Variants in GTF2H4 observed in about 807,000 individuals in gnomAD.
The protein encoded by GTF2H4 is general transcription factor IIH subunit 4.
A neutral mutation model predicts 62.2 loss-of-function variants in GTF2H4; 49 were observed. The ratio of observed to expected loss-of-function variants is 0.79; its 90% CI spans 0.63 to 1.00. The LOEUF (loss-of-function observed/expected upper bound fraction) is 1.00, where lower values mean the gene tolerates loss of function less well. GTF2H4 is among the 50% of genes least tolerant of loss of function. The pLI is 0.00. For missense variants in GTF2H4, 479 were observed against 587.8 expected, an observed-to-expected ratio of 0.81 and a Z score of 1.91; for synonymous variants, 189 against 233.8, an observed-to-expected ratio of 0.81 and a Z score of 1.75.
rs753617665 is a variant in GTF2H4, at chr6:30,911,225, G to A, written c.628G>A (p.Ala210Thr). 76 of 1,613,540 alleles carry A rather than the reference G, an allele frequency of 4.7e-5. No homozygotes were observed. Among genetic ancestry groups the A allele is most frequent in the African/African-American group, 2.7e-5 (2 of 74,904 alleles). Residue 210 changes from alanine (A) to threonine (T), a missense_variant, in exon 7 of 14, where the codon GCT becomes ACT. Transcript: ENST00000259895. The surrounding 1 kb of genome is among the most constrained non-coding windows in gnomAD (Gnocchi z 4.3). Reference sequence around the variant, plus strand: ...CCAGTTCCTGTTGCTGGACACCCCGGCTCAGCTCTGGTACTTTATGTTGCA... The same window carrying A: ...CCAGTTCCTGTTGCTGGACACCCCGACTCAGCTCTGGTACTTTATGTTGCA... ...GFQFLLLDTP[A>T]QLWYFMLQYL... is the part of the protein sequence containing the mutation.
In GTF2H4 at chr6:30,911,466, C is replaced by T; in HGVS notation, c.708C>T (p.Phe236=). The change falls in exon 8 of 14, where the codon TTC becomes TTT. Residue 236 remains phenylalanine, a synonymous_variant. Transcript: ENST00000259895. This position sits in a 1 kb window ranked among gnomAD's most constrained non-coding sequence, Gnocchi z 4.3. The part of the protein sequence containing the change: ...RGMDLVEILS[F]LFQLSFSTLG... Reference sequence around the variant, plus strand: ...TGGACCTGGTAGAGATTCTCTCCTTCCTCTTCCAGCTCAGCTTCTCTACTC... The same window carrying T: ...TGGACCTGGTAGAGATTCTCTCCTTTCTCTTCCAGCTCAGCTTCTCTACTC... The T allele has an allele frequency of 6.2e-7, 1 of 1,614,106 alleles. No individual in the cohort carries two copies. Among genetic ancestry groups the T allele is most frequent in the Non-Finnish European group, 8.5e-7 (1 of 1,179,964 alleles).
Position 30,911,897 on chromosome 6 carries a change from G to A in GTF2H4, c.826-117G>A, listed in dbSNP as rs1275822283. On this transcript the variant is annotated intron_variant, in intron 9 of 13. Transcript: ENST00000259895. This position sits in a 1 kb window ranked among gnomAD's most constrained non-coding sequence, Gnocchi z 4.3. ...CCAGAACTGAATACTTGGGTCTCTC[G>A]GGGGAGAGAAGTTGGGGGTTGAGGT... The A allele has an allele frequency of 6.3e-6, 9 of 1,420,044 alleles. No individual in the cohort carries two copies. In the South Asian group the frequency reaches 8.4e-5, roughly 13 times the overall value. The allele number at this position is 1,420,044 out of a possible 1,614,324, so 88.0% of individuals were successfully genotyped here. A position where few individuals can be genotyped will look rare whatever the true frequency, so the allele number is the denominator to read the frequency against.
In GTF2H4 at chr6:30,911,062, T is replaced by C. The variant is rs1390840045; in HGVS notation, c.561-96T>C. ...GCTGGAAAAGGCAAGCTGAGTAGAA[T>C]ATAGCCAGAGATACCAAGAAAAAAC... On this transcript the variant is annotated intron_variant, in intron 6 of 13. Transcript: ENST00000259895. The surrounding 1 kb of genome is among the most constrained non-coding windows in gnomAD (Gnocchi z 4.3). The C allele has an allele frequency of 7.6e-7, 1 of 1,318,498 alleles. No individual in the cohort carries two copies. The highest frequency in any genetic ancestry group is 1.1e-6 in the Non-Finnish European group (1 of 921,182). 81.7% of individuals were successfully genotyped at this position (1,318,498 alleles called of 1,614,324 possible). A position where few individuals can be genotyped will look rare whatever the true frequency, so the allele number is the denominator to read the frequency against.
Position 30,913,775 on chromosome 6 carries a change from C to T in GTF2H4, c.1217-36C>T, listed in dbSNP as rs1197356776. The T allele has an allele frequency of 5.3e-6, 8 of 1,502,078 alleles. No homozygotes were observed. The Admixed American group carries it at 1.8e-4, about 33-fold the overall frequency. The allele number at this position is 1,502,078 out of a possible 1,614,324, so 93.0% of individuals were successfully genotyped here. ...GGAGCTCCGAGCTTCACTTTCTCGT[C>T]TTCTCCCCGCGCCCCTCCCGTCCTG... On this transcript the variant is annotated intron_variant, in intron 13 of 13. Transcript: ENST00000259895. This position sits in a 1 kb window ranked among gnomAD's most constrained non-coding sequence, Gnocchi z 4.2.
rs751688164 is a variant in GTF2H4, at chr6:30,909,056, G to A, written c.20G>A (p.Arg7Lys). 6.2e-7 allele frequency: 1 copy of A among 1,614,148 alleles called. No homozygotes were observed. The highest frequency in any genetic ancestry group is 8.5e-7 in the Non-Finnish European group (1 of 1,180,028). MESTPS[R>K]GLNRVHLQCR... ...CAGGTGATGGAGAGCACCCCTTCAA[G>A]GGGACTGAACCGAGTACACCTACAA... The change falls in exon 2 of 14, where the codon AGG (arginine) becomes AAG (lysine). Residue 7 changes from arginine (R) to lysine (K), a missense_variant. Physicochemically the swap from Arg to Lys is conservative, Grantham distance 26. Coordinates refer to ENST00000259895, the MANE Select transcript of GTF2H4 (RefSeq NM_001517.5). The surrounding 1 kb of genome is among the most constrained non-coding windows in gnomAD (Gnocchi z 4.3).
At position 30,909,246 on chromosome 6, in the gene GTF2H4, G is replaced by GTAGC; in HGVS notation, c.137+74_137+77dup. The GTAGC allele has an allele frequency of 6.6e-7, 1 of 1,516,482 alleles. No homozygotes were observed. Among genetic ancestry groups the GTAGC allele is most frequent in the Non-Finnish European group, 8.9e-7 (1 of 1,125,730 alleles). The allele number at this position is 1,516,482 out of a possible 1,614,324, so 93.9% of individuals were successfully genotyped here. ...GGAATAAAATATCATAGGTAAAAGTGTAGCAGCCTGGAGTCGGGGTGGGGA... is the reference window on the plus strand; with the variant it reads ...GGAATAAAATATCATAGGTAAAAGTGTAGCTAGCAGCCTGGAGTCGGGGTGGGGA... On this transcript the variant is annotated intron_variant, in intron 2 of 13. Coordinates refer to ENST00000259895, the MANE Select transcript of GTF2H4 (RefSeq NM_001517.5). The surrounding 1 kb of genome is among the most constrained non-coding windows in gnomAD (Gnocchi z 4.3).
In GTF2H4 at chr6:30,912,071, T is replaced by A; in HGVS notation, c.883T>A (p.Ser295Thr). Residue 295 changes from serine (S) to threonine (T), a missense_variant, in exon 10 of 14, where the codon TCT (serine) becomes ACT (threonine). Coordinates refer to ENST00000259895, the MANE Select transcript of GTF2H4 (RefSeq NM_001517.5). This position sits in a 1 kb window ranked among gnomAD's most constrained non-coding sequence, Gnocchi z 4.8. ...GGCCATCAATCTCTCATCAGGTGTC[T>A]CTGGAGCTGGGGGCACTGTGCATCA... ...RLAINLSSGVSGAGGTVHQPG... is the reference protein window; with the variant it reads ...RLAINLSSGVTGAGGTVHQPG... The A allele has an allele frequency of 6.2e-7, 1 of 1,612,994 alleles. No homozygotes were observed. The highest frequency in any genetic ancestry group is 8.5e-7 in the Non-Finnish European group (1 of 1,180,004).
Position 30,909,301 on chromosome 6 carries a change from AGT to A in GTF2H4, c.138-130_138-129del. On this transcript the variant is annotated intron_variant, in intron 2 of 13. Transcript: ENST00000259895. The surrounding 1 kb of genome is among the most constrained non-coding windows in gnomAD (Gnocchi z 4.3). ...GGGCAAGGGTTGGAAATTGCTCTAA[AGT>A]GTGGAGGCCAAAACAGCAGGACTGG... 1 of 1,303,052 alleles carries A rather than the reference AGT, an allele frequency of 7.7e-7. No individual in the cohort carries two copies. The highest frequency in any genetic ancestry group is 1.1e-6 in the Non-Finnish European group (1 of 943,478). The allele number at this position is 1,303,052 out of a possible 1,614,324, so 80.7% of individuals were successfully genotyped here. A position where few individuals can be genotyped will look rare whatever the true frequency, so the allele number is the denominator to read the frequency against.
chr6:30,913,008 T>G lies in GTF2H4; in HGVS notation c.1090-102T>G. Reference sequence around the variant, plus strand: ...TGGAGTTGATGACAGGAGTTATGAGTTTTTAGAATAAGCTGATGTTCCAGT... The same window carrying G: ...TGGAGTTGATGACAGGAGTTATGAGGTTTTAGAATAAGCTGATGTTCCAGT... On this transcript the variant is annotated intron_variant, in intron 11 of 13. Coordinates refer to ENST00000259895, the MANE Select transcript of GTF2H4 (RefSeq NM_001517.5). The surrounding 1 kb of genome is among the most constrained non-coding windows in gnomAD (Gnocchi z 4.2). The G allele has an allele frequency of 8.4e-7, 1 of 1,190,996 alleles. No individual in the cohort carries two copies. Among genetic ancestry groups the G allele is most frequent in the Non-Finnish European group, 1.2e-6 (1 of 819,898 alleles). The allele number at this position is 1,190,996 out of a possible 1,614,324, so 73.8% of individuals were successfully genotyped here. A position where few individuals can be genotyped will look rare whatever the true frequency, so the allele number is the denominator to read the frequency against.
rs781303681 is a variant in GTF2H4, at chr6:30,912,163, G to A, written c.958+17G>A. 1.9e-6 allele frequency: 3 copies of A among 1,612,458 alleles called. No individual in the cohort carries two copies. The East Asian group carries it at 6.7e-5, about 36-fold the overall frequency. Reference sequence around the variant, plus strand: ...CCTACACGGGTGAGGCGGGACAGAGGGCCCCTGGAAGAGGAGGTTGGGGGT... The same window carrying A: ...CCTACACGGGTGAGGCGGGACAGAGAGCCCCTGGAAGAGGAGGTTGGGGGT... On this transcript the variant is annotated intron_variant, in intron 10 of 13. Transcript: ENST00000259895. The surrounding 1 kb of genome is among the most constrained non-coding windows in gnomAD (Gnocchi z 4.8).
intron 1 of GTF2H4, among the ~76,000 whole-genome samples, chr6:30,908,706 T>C (rs1793638326): frequency 6.6e-6 from 1 of 152,172 alleles, no homozygotes; most frequent in African/African-American, 2.4e-5. Context: ...AGGTGTGGGC[T>C]CAATTTTCTT....
rs751016133 is a variant in GTF2H4, at chr6:30,911,479, A to G, written c.721A>G (p.Ser241Gly). The G allele has an allele frequency of 6.2e-7, 1 of 1,614,068 alleles. No individual in the cohort carries two copies. Among genetic ancestry groups the G allele is most frequent in the South Asian group, 1.1e-5 (1 of 91,080 alleles). The change falls in exon 8 of 14, where the codon AGC (serine) becomes GGC (glycine). Residue 241 changes from serine (S) to glycine (G), a missense_variant. Transcript: ENST00000259895. The surrounding 1 kb of genome is among the most constrained non-coding windows in gnomAD (Gnocchi z 4.3). The stretch of plus-strand genomic sequence containing the variant: ...GATTCTCTCCTTCCTCTTCCAGCTC[A>G]GCTTCTCTACTCTGGGCAAGGTAAG... The part of the protein sequence containing the change: ...VEILSFLFQL[S>G]FSTLGKDYSV...
chr6:30,913,342 A>C lies in GTF2H4; in HGVS notation c.1171A>C (p.Ile391Leu). 1.9e-6 allele frequency: 3 copies of C among 1,613,348 alleles called. No homozygotes were observed. Among genetic ancestry groups the C allele is most frequent in the African/African-American group, 1.3e-5 (1 of 75,022 alleles). Residue 391 changes from isoleucine (I) to leucine (L), a missense_variant, in exon 13 of 14, where the codon ATC becomes CTC. Ile to Leu is a conservative substitution (Grantham distance 5). Transcript: ENST00000259895. The surrounding 1 kb of genome is among the most constrained non-coding windows in gnomAD (Gnocchi z 4.2). ...GCTGCCCCCCACCATCACCGACCAG[A>C]TCCGGCTCTGGGAGCTGGAAAGGGA... ...PVLPPTITDQ[I>L]RLWELERDRL...
At position 30,911,220 on chromosome 6, in the gene GTF2H4, C is replaced by T. The variant is rs1359885001; in HGVS notation, c.623C>T (p.Thr208Ile). ...SAGFQFLLLD[T>I]PAQLWYFMLQ... ...GGCTTCCAGTTCCTGTTGCTGGACACCCCGGCTCAGCTCTGGTACTTTATG... is the reference window on the plus strand; with the variant it reads ...GGCTTCCAGTTCCTGTTGCTGGACATCCCGGCTCAGCTCTGGTACTTTATG... The change falls in exon 7 of 14, where the codon ACC becomes ATC. Residue 208 changes from threonine (T) to isoleucine (I), a missense_variant. Physicochemically the swap from Thr to Ile is moderately conservative, Grantham distance 89. Coordinates refer to ENST00000259895, the MANE Select transcript of GTF2H4 (RefSeq NM_001517.5). This position sits in a 1 kb window ranked among gnomAD's most constrained non-coding sequence, Gnocchi z 4.3. The T allele has an allele frequency of 1.2e-6, 2 of 1,613,712 alleles. No homozygotes were observed. The highest frequency in any genetic ancestry group is 2.7e-5 in the African/African-American group (2 of 75,034).
In GTF2H4 at chr6:30,911,102, G is replaced by A; in HGVS notation, c.561-56G>A. 7.0e-7 allele frequency: 1 copy of A among 1,432,174 alleles called. No individual in the cohort carries two copies. 88.7% of individuals were successfully genotyped at this position (1,432,174 alleles called of 1,614,324 possible). ...CAAGAAAAAACGTGAGTGGACAAGTGGGGATAGTAGTCTTTCTCTGCATAT... is the reference window on the plus strand; with the variant it reads ...CAAGAAAAAACGTGAGTGGACAAGTAGGGATAGTAGTCTTTCTCTGCATAT... On this transcript the variant is annotated intron_variant, in intron 6 of 13. Transcript: ENST00000259895. This position sits in a 1 kb window ranked among gnomAD's most constrained non-coding sequence, Gnocchi z 4.3.
Position 30,910,987 on chromosome 6 carries a change from T to G in GTF2H4, c.560+46T>G. The stretch of plus-strand genomic sequence containing the variant: ...GCAGCTCTCTGCTGTGCCATCTCCT[T>G]GGGTCCCTAAGAAATGGTATCTGGG... On this transcript the variant is annotated intron_variant, in intron 6 of 13. Coordinates refer to ENST00000259895, the MANE Select transcript of GTF2H4 (RefSeq NM_001517.5). This position sits in a 1 kb window ranked among gnomAD's most constrained non-coding sequence, Gnocchi z 4.7. 6.7e-7 allele frequency: 1 copy of G among 1,492,084 alleles called. No homozygotes were observed. The highest frequency in any genetic ancestry group is 1.2e-5 in the South Asian group (1 of 85,962). The allele number at this position is 1,492,084 out of a possible 1,614,324, so 92.4% of individuals were successfully genotyped here. A position where few individuals can be genotyped will look rare whatever the true frequency, so the allele number is the denominator to read the frequency against.
In GTF2H4 at chr6:30,913,142, A is replaced by G. The variant is rs772277201; in HGVS notation, c.1122A>G (p.Pro374=). Reference sequence around the variant, plus strand: ...ATTTCCTAAGGACAAGAGCCCACCCAGTGATGCTCAAACAGGTATAGACAG... The same window carrying G: ...ATTTCCTAAGGACAAGAGCCCACCCGGTGATGCTCAAACAGGTATAGACAG... ...IIHFLRTRAH[P]VMLKQTPVLP... Residue 374 remains proline (P), a synonymous_variant, in exon 12 of 14, where the codon CCA becomes CCG. Coordinates refer to ENST00000259895, the MANE Select transcript of GTF2H4 (RefSeq NM_001517.5). This position sits in a 1 kb window ranked among gnomAD's most constrained non-coding sequence, Gnocchi z 4.2. 1 of 1,614,170 alleles carries G rather than the reference A, an allele frequency of 6.2e-7. No homozygotes were observed. The highest frequency in any genetic ancestry group is 1.1e-5 in the South Asian group (1 of 91,086).
Position 30,909,337 on chromosome 6 carries a change from T to A in GTF2H4, c.138-98T>A. On this transcript the variant is annotated intron_variant, in intron 2 of 13. Transcript: ENST00000259895. The surrounding 1 kb of genome is among the most constrained non-coding windows in gnomAD (Gnocchi z 4.3). Reference sequence around the variant, plus strand: ...CAAAACAGCAGGACTGGTAAAGTTGTGCTGGAGTGAGATGAGATGTTTGAG... The same window carrying A: ...CAAAACAGCAGGACTGGTAAAGTTGAGCTGGAGTGAGATGAGATGTTTGAG... 8.2e-7 allele frequency: 1 copy of A among 1,222,642 alleles called. No individual in the cohort carries two copies. Among genetic ancestry groups the A allele is most frequent in the Non-Finnish European group, 1.2e-6 (1 of 852,660 alleles). The allele number at this position is 1,222,642 out of a possible 1,614,324, so 75.7% of individuals were successfully genotyped here.
In GTF2H4 at chr6:30,911,533, AG is replaced by A; in HGVS notation, c.741+38del. On this transcript the variant is annotated intron_variant, in intron 8 of 13. Transcript: ENST00000259895. The surrounding 1 kb of genome is among the most constrained non-coding windows in gnomAD (Gnocchi z 4.3). Reference sequence around the variant, plus strand: ...GGGGCTGAAAGGTATAGAGATGGGAAGGGGAAAGCAAGTTGTGGGGCAGTAG... The same window carrying A: ...GGGGCTGAAAGGTATAGAGATGGGAAGGGAAAGCAAGTTGTGGGGCAGTAG... The A allele has an allele frequency of 1.9e-6, 3 of 1,575,872 alleles. No individual in the cohort carries two copies. The highest frequency in any genetic ancestry group is 2.6e-6 in the Non-Finnish European group (3 of 1,146,628).
Sources: allele counts gnomAD v4.1 joint callset (sites outside exome capture counted in the v4.1 genomes callset), GRCh38; gene constraint gnomAD v4.1.1; non-coding constraint Gnocchi (gnomAD v3.1); transcripts MANE v1.5; gene names NCBI Gene and HGNC (gene_info 2026-07-23, HGNC 2026-07-21).